Variants in PNPLA8 observed in about 807,000 individuals in gnomAD.
PNPLA8 encodes calcium-independent phospholipase A2-gamma.
In PNPLA8, 39 loss-of-function variants were observed where a neutral mutation model predicts 76.9. That is an observed-to-expected ratio of 0.51 (90% CI 0.39 to 0.66). The LOEUF (loss-of-function observed/expected upper bound fraction) is 0.66. Among genes scored for constraint, PNPLA8 ranks in the 30% least tolerant of loss-of-function variants. The pLI, the probability that PNPLA8 is intolerant of heterozygous loss-of-function variation, is 0.00. For missense variants in PNPLA8, 887 were observed against 918.0 expected (o/e 0.97, Z 0.44); for synonymous variants, 301 against 307.9 (o/e 0.98, Z 0.24).
chr7:108,497,510 A>G lies in PNPLA8; in HGVS notation c.1426T>C (p.Phe476Leu). 2.5e-6 allele frequency: 4 copies of G among 1,610,830 alleles called. No homozygotes were observed. The highest frequency in any genetic ancestry group is 3.4e-6 in the Non-Finnish European group (4 of 1,177,658). Residue 476 changes from phenylalanine to leucine, a missense_variant, in exon 6 of 11, where the codon TTT becomes CTT. By Grantham distance (22) the Phe-to-Leu change is conservative (BLOSUM62 0). Transcript: ENST00000257694. The stretch of plus-strand genomic sequence containing the variant: ...GTGCTTACACCACAAATGTAATCAA[A>G]GAGCTGATGAACTGGCTTCTGAGTA... ...ELTQKPVHQLFDYICGVSTGA... is the reference protein window; with the variant it reads ...ELTQKPVHQLLDYICGVSTGA...
At chr7:108,497,692 TTAA>T (rs1174588884) in intron 5 of PNPLA8, 115 bp from the exon 6 acceptor site, 32 of 479,138 alleles carry the variant, frequency 6.7e-5, no homozygotes, top group African/African-American at 6.2e-4. Flanking sequence ...AACATGAAAA[TTAA>T]TAATATAAAT....
chr7:108,512,458 A>T (rs1200641819), intron 4 of PNPLA8, among the ~76,000 whole-genome samples: 1 of 152,174 alleles, frequency 6.6e-6, no homozygotes, highest in Non-Finnish European at 1.5e-5. Flanking sequence ...CAATTCCCTA[A>T]ATGTGGCTGC....
intron 5 of PNPLA8, among the ~76,000 whole-genome samples, chr7:108,499,410 AACAAAGAAGTCAAAG>A (rs1861788367): frequency 6.6e-6 from 1 of 152,214 alleles, no homozygotes; most frequent in South Asian, 2.1e-4. Context: ...GTTCTCTTAT[AACAAAGAAGTCAAAG>A]ACAGGGTTTT....
chr7:108,506,251 A>C (rs1862413223), intron 4 of PNPLA8, among the ~76,000 whole-genome samples: 1 of 151,978 alleles, frequency 6.6e-6, no homozygotes, highest in Non-Finnish European at 1.5e-5. Flanking sequence ...GGTGGTGCGC[A>C]CCTGTAATCC....
chr7:108,478,576 G>C (rs921150325), intron 10 of PNPLA8, among the ~76,000 whole-genome samples: 1 of 152,048 alleles, frequency 6.6e-6, no homozygotes, highest in African/African-American at 2.4e-5. Context: ...ATTTTCAGTA[G>C]AGATGGTGTT....
In PNPLA8 at chr7:108,510,756, C is replaced by T. The variant is rs561227444; in HGVS notation, c.1206+3388G>A. ...GCTTTGACAGATAACGCTTTGATTGCTCGATCTCTTGGTAAATATGGCATC... is the reference window on the plus strand; with the variant it reads ...GCTTTGACAGATAACGCTTTGATTGTTCGATCTCTTGGTAAATATGGCATC... On this transcript the variant is annotated intron_variant, in intron 4 of 10. Coordinates refer to ENST00000257694, the MANE Select transcript of PNPLA8 (RefSeq NM_001256007.3). 6 of 1,601,528 alleles carry T rather than the reference C, an allele frequency of 3.7e-6. No homozygotes were observed. In the East Asian group the frequency reaches 1.3e-4, roughly 36 times the overall value.
At chr7:108,497,843 C>T (rs1861655783) in intron 5 of PNPLA8, among the ~76,000 whole-genome samples, 1 of 151,302 alleles carries the variant, frequency 6.6e-6, no homozygotes, top group South Asian at 2.1e-4. Context: ...TTTCACTGAA[C>T]CCATCCTTCT....
At chr7:108,480,215 C>T (rs1860298128) in intron 9 of PNPLA8, among the ~76,000 whole-genome samples, 1 of 151,928 alleles carries the variant, frequency 6.6e-6, no homozygotes, top group East Asian at 1.9e-4. Context: ...AAAAAATAAA[C>T]AAAATTAGCC....
At chr7:108,523,957 A>C (rs1350514184) in intron 1 of PNPLA8, among the ~76,000 whole-genome samples, 1 of 152,248 alleles carries the variant, frequency 6.6e-6, no homozygotes, top group East Asian at 1.9e-4. Flanking sequence ...TTTAAATCTG[A>C]AAAATACGGA....
chr7:108,480,835 G>C (rs1036622456), intron 9 of PNPLA8: 13 of 286,752 alleles, frequency 4.5e-5, no homozygotes, highest in African/African-American at 2.9e-4. Context: ...CCACAATCAA[G>C]ATACAGAATA....
chr7:108,490,211 TA>T (rs1861045097), intron 8 of PNPLA8, among the ~76,000 whole-genome samples: 1 of 152,138 alleles, frequency 6.6e-6, no homozygotes, highest in Non-Finnish European at 1.5e-5. Context: ...CTAGGAACTA[TA>T]GGCTATACCA....
intron 1 of PNPLA8, among the ~76,000 whole-genome samples, chr7:108,522,158 G>C (rs1249423634): frequency 6.6e-6 from 1 of 151,976 alleles, no homozygotes; most frequent in Non-Finnish European, 1.5e-5. Context: ...GCCGGGCGTG[G>C]TGGTACGTGA....
chr7:108,482,442 G>C (rs537086989), intron 9 of PNPLA8, among the ~76,000 whole-genome samples: 1 of 152,224 alleles, frequency 6.6e-6, no homozygotes, highest in South Asian at 2.1e-4. Flanking sequence ...ACTGCACTCC[G>C]GCCTGGGCAC....
intron 5 of PNPLA8, among the ~76,000 whole-genome samples, chr7:108,498,929 A>C (rs1292649297): frequency 8.0e-6 from 1 of 125,056 alleles, no homozygotes; most frequent in Non-Finnish European, 1.8e-5. Context: ...TTTGAGTGTC[A>C]AATTGTGCTT....
At chr7:108,477,204 G>T (rs1010151680) in intron 10 of PNPLA8, among the ~76,000 whole-genome samples, 14 of 152,130 alleles carry the variant, frequency 9.2e-5, no homozygotes, top group Non-Finnish European at 2.1e-4. Flanking sequence ...TGGATTGTGG[G>T]AATCATTACA....
At chr7:108,479,790 A>G (rs1451762775) in intron 9 of PNPLA8, among the ~76,000 whole-genome samples, 1 of 152,272 alleles carries the variant, frequency 6.6e-6, no homozygotes, top group East Asian at 1.9e-4. Flanking sequence ...ATTCTAAGTT[A>G]GTTCAAATTC....
At position 108,491,930 on chromosome 7, in the gene PNPLA8, G is replaced by A. The variant is rs1265459622; in HGVS notation, c.1626-463C>T. 2.0e-5 allele frequency among the ~76,000 whole-genome samples: 3 copies of A among 152,214 alleles called. No homozygotes were observed. In the East Asian group the frequency reaches 5.8e-4, roughly 29 times the overall value. ...GTTAGAGTAACCAGGTGAGGACAATGAGACTTTAAGCTTGTTTTAGTTGGT... is the reference window on the plus strand; with the variant it reads ...GTTAGAGTAACCAGGTGAGGACAATAAGACTTTAAGCTTGTTTTAGTTGGT... On this transcript the variant is annotated intron_variant, in intron 7 of 10. Coordinates refer to ENST00000257694, the MANE Select transcript of PNPLA8 (RefSeq NM_001256007.3).
intron 2 of PNPLA8, among the ~76,000 whole-genome samples, chr7:108,518,802 T>C (rs1313260365): frequency 6.8e-6 from 1 of 146,670 alleles, no homozygotes; most frequent in Non-Finnish European, 1.5e-5. Context: ...AAAATGAAAA[T>C]CTACATATGC....
intron 7 of PNPLA8, among the ~76,000 whole-genome samples, chr7:108,494,628 T>C (rs1159606450): frequency 1.3e-5 from 2 of 152,198 alleles, no homozygotes; most frequent in African/African-American, 4.8e-5. Context: ...CCTACCTAGG[T>C]TGATTCCATG....
Sources: allele counts gnomAD v4.1 joint callset (sites outside exome capture counted in the v4.1 genomes callset), GRCh38; gene constraint gnomAD v4.1.1; transcripts MANE v1.5; gene names NCBI Gene and HGNC (gene_info 2026-07-23, HGNC 2026-07-21).